Variants in CCDC178 observed in about 807,000 individuals in gnomAD.
CCDC178 encodes coiled-coil domain-containing protein 178.
A neutral mutation model predicts 117.4 loss-of-function variants in CCDC178; 126 were observed. The ratio of observed to expected loss-of-function variants is 1.07; its 90% confidence interval spans 0.93 to 1.24. The LOEUF is 1.24. CCDC178 is among the 50% of genes most tolerant of loss of function. CCDC178 has a pLI of 0.00. For missense variants in CCDC178, 1,030 were observed against 986.9 expected, an observed-to-expected ratio of 1.04 and a Z score of -0.59; for synonymous variants, 283 against 313.4, an observed-to-expected ratio of 0.90 and a Z score of 1.02.
At chr18:33,355,509 T>C (rs887133802) in intron 7 of CCDC178, among the ~76,000 whole-genome samples, 5 of 152,270 alleles carry the variant, frequency 3.3e-5, no homozygotes, top group African/African-American at 9.6e-5. Flanking sequence ...TTCCTGCCCA[T>C]GCAGATCCTA....
chr18:33,193,606 C>T (rs1321665009), intron 20 of CCDC178, among the ~76,000 whole-genome samples: 3 of 151,940 alleles, frequency 2.0e-5, no homozygotes, highest in East Asian at 1.9e-4. Flanking sequence ...CATAGAATTC[C>T]GGATCAGTTC....
At chr18:33,349,345 T>C (rs2062940101) in intron 7 of CCDC178, among the ~76,000 whole-genome samples, 1 of 151,908 alleles carries the variant, frequency 6.6e-6, no homozygotes, top group African/African-American at 2.4e-5. Flanking sequence ...GGGAAATCAA[T>C]GTAAATTACA....
At chr18:33,250,039 G>C (rs1259008132) in intron 14 of CCDC178, among the ~76,000 whole-genome samples, 1 of 151,756 alleles carries the variant, frequency 6.6e-6, no homozygotes, top group African/African-American at 2.4e-5. Context: ...AATTGTGAAG[G>C]GAGTTCCCTC....
intron 3 of CCDC178, among the ~76,000 whole-genome samples, chr18:33,398,515 A>G (rs2063669709): frequency 6.6e-6 from 1 of 152,226 alleles, no homozygotes; most frequent in Non-Finnish European, 1.5e-5. Flanking sequence ...TAAATTACCA[A>G]GATAAATTAT....
At chr18:33,435,476 T>A (rs1335839615) in intron 2 of CCDC178, among the ~76,000 whole-genome samples, 1 of 152,014 alleles carries the variant, frequency 6.6e-6, no homozygotes, top group East Asian at 1.9e-4. Context: ...ATATATATTA[T>A]ATGCTTGGCA....
At chr18:33,301,595 AC>A (rs1285429506) in intron 11 of CCDC178, among the ~76,000 whole-genome samples, 1 of 152,110 alleles carries the variant, frequency 6.6e-6, no homozygotes, top group African/African-American at 2.4e-5. Flanking sequence ...TTAAAAACTG[AC>A]CCCTTCCAGT....
intron 21 of CCDC178, among the ~76,000 whole-genome samples, chr18:33,065,275 G>T (rs1386382822): frequency 5.9e-5 from 9 of 152,010 alleles, no homozygotes; most frequent in Non-Finnish European, 1.2e-4. Flanking sequence ...TATGATAAAG[G>T]CACGAGGTGA....
rs2062055973 is a variant in CCDC178 at position 33,293,048 on chromosome 18, G to A, written c.1176+111C>T. ...ATAGAAAACTAATACAGGCAAATTGGCTAAATATAAAAAAATTGGCCAATT... is the reference window on the plus strand; with the variant it reads ...ATAGAAAACTAATACAGGCAAATTGACTAAATATAAAAAAATTGGCCAATT... On this transcript the variant is annotated intron_variant, in intron 12 of 22. Coordinates refer to ENST00000383096, the MANE Select transcript of CCDC178 (RefSeq NM_001105528.4). 4.5e-6 allele frequency: 3 copies of A among 669,622 alleles called. No homozygotes were observed. The Admixed American group carries it at 9.8e-5, about 22-fold the overall frequency. 41.5% of individuals were successfully genotyped at this position (669,622 alleles called of 1,614,324 possible). A position where few individuals can be genotyped will look rare whatever the true frequency, so the allele number is the denominator to read the frequency against.
intron 14 of CCDC178, among the ~76,000 whole-genome samples, chr18:33,254,214 T>G (rs2144723431): frequency 6.7e-6 from 1 of 149,670 alleles, no homozygotes; most frequent in African/African-American, 2.5e-5. Context: ...TTAGCTATCA[T>G]TCATTCATTA....
At chr18:33,147,613 C>T (rs2058286463) in intron 20 of CCDC178, among the ~76,000 whole-genome samples, 1 of 151,820 alleles carries the variant, frequency 6.6e-6, no homozygotes, top group Non-Finnish European at 1.5e-5. Flanking sequence ...TAACAAAGCA[C>T]ATCTTGCACC....
At chr18:33,153,964 T>TAA (rs1468401808) in intron 20 of CCDC178, among the ~76,000 whole-genome samples, 5 of 152,114 alleles carry the variant, frequency 3.3e-5, no homozygotes, top group Non-Finnish European at 2.9e-5. Flanking sequence ...TCACTATATA[T>TAA]AACGAGAAAA....
chr18:33,112,499 GT>G (rs1225397203), intron 20 of CCDC178, among the ~76,000 whole-genome samples: 2 of 151,758 alleles, frequency 1.3e-5, no homozygotes, highest in Non-Finnish European at 1.5e-5. Context: ...TTTTGGTGTT[GT>G]CTTTCTCCTT....
intron 21 of CCDC178, among the ~76,000 whole-genome samples, chr18:33,073,853 G>A (rs2057157267): frequency 6.6e-6 from 1 of 152,116 alleles, no homozygotes; most frequent in South Asian, 2.1e-4. Context: ...GATAGTGGGT[G>A]GCTAAGGGAC....
At chr18:33,284,308 T>C (rs944483885) in intron 12 of CCDC178, among the ~76,000 whole-genome samples, 7 of 152,052 alleles carry the variant, frequency 4.6e-5, no homozygotes, top group Non-Finnish European at 1.0e-4. Flanking sequence ...AATGGGTACC[T>C]GGGTGACAAA....
chr18:32,973,588 C>T (rs1050114057), intron 22 of CCDC178, among the ~76,000 whole-genome samples: 2 of 151,868 alleles, frequency 1.3e-5, no homozygotes, highest in African/African-American at 4.8e-5. Flanking sequence ...ACACACAATC[C>T]TCAGAAGAAA....
At chr18:33,435,177 T>A (rs949150475) in intron 2 of CCDC178, among the ~76,000 whole-genome samples, 1 of 152,268 alleles carries the variant, frequency 6.6e-6, no homozygotes, top group Non-Finnish European at 1.5e-5. Flanking sequence ...TTATATTTTT[T>A]AAAAAGAGCA....
At chr18:32,959,929 A>G (rs2054673307) in intron 22 of CCDC178, among the ~76,000 whole-genome samples, 1 of 152,116 alleles carries the variant, frequency 6.6e-6, no homozygotes, top group Admixed American at 6.6e-5. Flanking sequence ...AAAAAATCAG[A>G]ATACATAAAA....
chr18:33,168,377 G>A (rs192896183), intron 20 of CCDC178, among the ~76,000 whole-genome samples: 4 of 152,010 alleles, frequency 2.6e-5, no homozygotes, highest in East Asian at 1.9e-4. Context: ...CTATTTTGTC[G>A]AAGATCAGAT....
chr18:33,317,089 C>G (rs2062429819), intron 11 of CCDC178, among the ~76,000 whole-genome samples: 1 of 152,162 alleles, frequency 6.6e-6, no homozygotes, highest in Non-Finnish European at 1.5e-5. Context: ...CCCAAGCCAG[C>G]AGTGGCAACC....
Sources: gnomAD v4.1 joint callset for allele counts (sites outside exome capture counted in the v4.1 genomes callset) on GRCh38, gnomAD v4.1.1 for gene constraint, MANE v1.5 for transcripts, NCBI Gene and HGNC (gene_info 2026-07-23, HGNC 2026-07-21) for gene names.